The following MXRA7 variants were observed in gnomAD, a reference collection of about 807,000 sequenced individuals.
MXRA7 encodes matrix remodeling associated 7, also known as matrix-remodeling-associated protein 7.
Under a neutral mutation model 17.4 loss-of-function variants are expected in MXRA7, and 18 were observed. The ratio of observed to expected loss-of-function variants is 1.03; its 90% CI spans 0.71 to 1.53. The LOEUF is 1.53. MXRA7 is among the 40% of genes most tolerant of loss of function. The probability of loss-of-function intolerance (pLI) is 0.00; values close to 1 mark genes in which losing one functional copy is unlikely to be tolerated. For missense variants in MXRA7, 141 were observed against 209.3 expected (o/e 0.67, Z 2.01); for synonymous variants, 70 against 101.7 (o/e 0.69, Z 1.87).
chr17:76,673,724 C>T (rs2076219934), exon 4 of MXRA7: 1 of 151,776 alleles, frequency 6.6e-6, no homozygotes, highest in Non-Finnish European at 1.5e-5. Context: ...AGTAACAAAT[C>T]AGCCACGGCA....
intron 1 of MXRA7, among the ~76,000 whole-genome samples, chr17:76,707,265 C>T (rs1011007436): frequency 1.5e-4 from 22 of 150,270 alleles, no homozygotes; most frequent in African/African-American, 5.4e-4. Flanking sequence ...TGACACCGGC[C>T]CACTGCCTTG....
At chr17:76,703,021 A>G (rs960539442) in intron 1 of MXRA7, among the ~76,000 whole-genome samples, 2 of 151,334 alleles carry the variant, frequency 1.3e-5, no homozygotes, top group Non-Finnish European at 2.9e-5. Context: ...TTGAAGTGGG[A>G]GGATGGCTTG....
At chr17:76,693,475 C>CAAA (rs59677254) in intron 1 of MXRA7, among the ~76,000 whole-genome samples, 6 of 98,604 alleles carry the variant, frequency 6.1e-5, no homozygotes, top group Non-Finnish European at 1.1e-4. Flanking sequence ...AGATCTGTCT[C>CAAA]AAAAAAAAAA....
chr17:76,682,596 C>T (rs1371927152), intron 3 of MXRA7, among the ~76,000 whole-genome samples: 1 of 152,076 alleles, frequency 6.6e-6, no homozygotes, highest in African/African-American at 2.4e-5. Flanking sequence ...CAAGCATCAC[C>T]GTGTGAGGAC....
intron 2 of MXRA7, among the ~76,000 whole-genome samples, chr17:76,687,790 C>T (rs919840825): frequency 2.6e-5 from 4 of 152,186 alleles, no homozygotes; most frequent in Non-Finnish European, 4.4e-5. Context: ...TGGAGAGAAT[C>T]GTGAAATGTA....
chr17:76,686,114 TGATGTGGACC>T (rs1402753852), intron 2 of MXRA7, among the ~76,000 whole-genome samples: 4 of 152,126 alleles, frequency 2.6e-5, no homozygotes, highest in Non-Finnish European at 5.9e-5. Context: ...CCGGATAGGC[TGATGTGGACC>T]GATGGGGAGG....
intron 1 of MXRA7, among the ~76,000 whole-genome samples, chr17:76,693,475 CAAAAAAAAA>C (rs59677254): frequency 1.0e-5 from 1 of 98,636 alleles, no homozygotes; most frequent in South Asian, 3.3e-4. Flanking sequence ...AGATCTGTCT[CAAAAAAAAA>C]AAAAAAAAAG....
intron 1 of MXRA7, among the ~76,000 whole-genome samples, chr17:76,708,636 A>T (rs749932486): frequency 4.6e-5 from 7 of 152,130 alleles, no homozygotes; most frequent in Non-Finnish European, 1.0e-4. Flanking sequence ...TCATCAAGAC[A>T]ATTTCTAAGC....
At chr17:76,678,955 G>A (rs111592342), downstream of MXRA7, among the ~76,000 whole-genome samples, 81 of 152,138 alleles carry the variant, frequency 5.3e-4, no homozygotes, top group African/African-American at 1.9e-3. Flanking sequence ...CGGTTCCCCT[G>A]TCTGGTGAAG....
chr17:76,684,640 G>A (rs887711141), intron 3 of MXRA7: 8 of 428,470 alleles, frequency 1.9e-5, no homozygotes, highest in Admixed American at 8.1e-5. Context: ...CTGGGAGGCC[G>A]CTGAAGGATG....
chr17:76,684,933 G>T, intron 3 of MXRA7, 139 bp downstream of exon 3: 1 of 718,832 alleles, frequency 1.4e-6, no homozygotes, highest in Non-Finnish European at 2.4e-6. Context: ...GGAAGGTGGG[G>T]CGGTGGTTGG....
At chr17:76,688,540 C>CT (rs2076436766) in intron 1 of MXRA7, 1 of 1,275,458 alleles carries the variant, frequency 7.8e-7, no homozygotes, top group Middle Eastern at 2.0e-4. Context: ...AAGAGGAAAG[C>CT]TGGCTGGGGT....
At chr17:76,684,555 G>A (rs2076360118) in intron 3 of MXRA7, 1 of 320,392 alleles carries the variant, frequency 3.1e-6, no homozygotes, top group African/African-American at 2.2e-5. Context: ...CAAATGGGAA[G>A]GGGGAGCCAA....
intron 1 of MXRA7, among the ~76,000 whole-genome samples, chr17:76,705,181 C>G (rs2076642112): frequency 1.3e-5 from 2 of 152,210 alleles, no homozygotes; most frequent in Admixed American, 1.3e-4. Flanking sequence ...TGACATTAGT[C>G]TGTAACCAAG....
chr17:76,673,659 T>C (rs1319926628), exon 4 of MXRA7: 1 of 151,390 alleles, frequency 6.6e-6, no homozygotes, highest in African/African-American at 2.4e-5. Flanking sequence ...CTCAGAGTGA[T>C]CTGGTCTTAG....
intron 1 of MXRA7, among the ~76,000 whole-genome samples, chr17:76,691,674 T>A (rs913797148): frequency 3.3e-5 from 5 of 152,130 alleles, no homozygotes; most frequent in African/African-American, 1.2e-4. Context: ...ATATTTGGTA[T>A]CAGAAGTGAA....
Position 76,710,952 on chromosome 17 carries a change from C to G in MXRA7, c.-6G>C, listed in dbSNP as rs984089109. On this transcript the variant is annotated 5_prime_UTR_variant, in exon 1 of 4. Coordinates refer to ENST00000449428, the MANE Select transcript of MXRA7 (RefSeq NM_198530.4). Reference sequence around the variant, plus strand: ...AGCTCGGCCGGCGCCTCCATCGCGCCGCGGCCGCCGAGTGCGGGCCAGCTG... The same window carrying G: ...AGCTCGGCCGGCGCCTCCATCGCGCGGCGGCCGCCGAGTGCGGGCCAGCTG... 4 of 992,622 alleles carry G rather than the reference C, an allele frequency of 4.0e-6. No individual in the cohort carries two copies. In the African/African-American group the frequency reaches 5.3e-5, roughly 13 times the overall value. 61.5% of individuals were successfully genotyped at this position (992,622 alleles called of 1,614,324 possible).
At chr17:76,678,246 A>AG (rs1279953366), downstream of MXRA7, among the ~76,000 whole-genome samples, 2 of 152,186 alleles carry the variant, frequency 1.3e-5, no homozygotes, top group African/African-American at 4.8e-5. Flanking sequence ...GGCCAGAGAA[A>AG]GGGGGGTGCC....
At chr17:76,685,291 A>G in intron 2 of MXRA7, 126 bp from the exon 3 acceptor site, 1 of 695,664 alleles carries the variant, frequency 1.4e-6, no homozygotes, top group Non-Finnish European at 2.6e-6. Context: ...TATCAGAGAC[A>G]TCTCACCCCA....
Sources: gnomAD v4.1 joint callset for allele counts (sites outside exome capture counted in the v4.1 genomes callset) on GRCh38, gnomAD v4.1.1 for gene constraint, MANE v1.5 for transcripts, NCBI Gene and HGNC (gene_info 2026-07-23, HGNC 2026-07-21) for gene names.